Variants in MGST2 observed in about 807,000 individuals in gnomAD.
MGST2 encodes the protein glutathione peroxidase MGST2.
Under a neutral mutation model 16.6 loss-of-function variants are expected in MGST2, and 9 were observed. The ratio of observed to expected loss-of-function variants is 0.54; its 90% CI spans 0.33 to 0.95. MGST2 has a LOEUF of 0.95. MGST2 is among the 40% of genes least tolerant of loss of function. The pLI is 0.03. For synonymous variants in MGST2, 79 were observed against 68.0 expected (o/e 1.16, Z -0.79); for missense variants, 159 against 175.1 (o/e 0.91, Z 0.52).
intron 5 of MGST2, chr4:139,730,344 C>G (rs1026432480): frequency 2.2e-6 from 3 of 1,383,690 alleles, no homozygotes; most frequent in Non-Finnish European, 3.0e-6. Context: ...GCCACTTCCT[C>G]ACAGGCAGCA....
chr4:139,704,693 C>A (rs1877237), downstream of MGST2, among the ~76,000 whole-genome samples: 2 of 152,050 alleles, frequency 1.3e-5, no homozygotes, highest in Admixed American at 1.3e-4. Flanking sequence ...GAAGCCGAGG[C>A]GGGCAGATCA....
intron 5 of MGST2, among the ~76,000 whole-genome samples, chr4:139,724,654 G>A (rs974013039): frequency 6.6e-6 from 1 of 152,180 alleles, no homozygotes; most frequent in African/African-American, 2.4e-5. Context: ...AAAATGGGCA[G>A]AGGATGGGAT....
chr4:139,700,730 T>C (rs1464109598), intron 3 of MGST2, among the ~76,000 whole-genome samples: 1 of 152,184 alleles, frequency 6.6e-6, no homozygotes, highest in East Asian at 1.9e-4. Flanking sequence ...AAACATCCAC[T>C]TTCTATTTGA....
chr4:139,708,841 A>G (rs1012632598), downstream of MGST2, among the ~76,000 whole-genome samples: 2 of 151,872 alleles, frequency 1.3e-5, no homozygotes, highest in Non-Finnish European at 2.9e-5. Context: ...CGTCTCTACT[A>G]AAAATACAAA....
chr4:139,668,120 G>A (rs555722121), intron 1 of MGST2, among the ~76,000 whole-genome samples: 100 of 152,328 alleles, frequency 6.6e-4, no homozygotes, highest in Non-Finnish European at 1.1e-3. Flanking sequence ...CCAGGTCATA[G>A]GTGGATTTAA....
At chr4:139,707,882 C>T (rs528150219), downstream of MGST2, among the ~76,000 whole-genome samples, 123 of 151,650 alleles carry the variant, frequency 8.1e-4, no homozygotes, top group Middle Eastern at 6.8e-3. Context: ...TCATGTCCTT[C>T]GCCCACTTTT....
At chr4:139,678,712 A>G in intron 2 of MGST2, 70 bp downstream of exon 2, 1 of 1,211,640 alleles carries the variant, frequency 8.3e-7, no homozygotes, top group East Asian at 2.4e-5. Flanking sequence ...GACTAGGGGA[A>G]AGGGATATGG....
intron 3 of MGST2, among the ~76,000 whole-genome samples, chr4:139,699,333 T>C (rs1265296103): frequency 1.3e-5 from 2 of 152,232 alleles, no homozygotes; most frequent in Non-Finnish European, 2.9e-5. Flanking sequence ...ATGGTCTGTG[T>C]TTGTATGCTT....
the MGST2 span, among the ~76,000 whole-genome samples, chr4:139,751,920 G>A: frequency 6.6e-6 from 1 of 152,198 alleles, no homozygotes; most frequent in Non-Finnish European, 1.5e-5. Context: ...CACATTCAAA[G>A]CAGAGACCTC....
chr4:139,751,802 G>A, the MGST2 span, among the ~76,000 whole-genome samples: 1 of 152,202 alleles, frequency 6.6e-6, no homozygotes, highest in Non-Finnish European at 1.5e-5. Flanking sequence ...AGCAAGCCAT[G>A]GAGTTACAAT....
At chr4:139,672,607 G>A (rs1730758527) in intron 1 of MGST2, among the ~76,000 whole-genome samples, 1 of 149,836 alleles carries the variant, frequency 6.7e-6, no homozygotes, top group Non-Finnish European at 1.5e-5. Context: ...TCGGAGTACA[G>A]TGGTGCGATC....
At chr4:139,727,042 T>C (rs1468816363) in intron 5 of MGST2, among the ~76,000 whole-genome samples, 1 of 152,338 alleles carries the variant, frequency 6.6e-6, no homozygotes, top group East Asian at 1.9e-4. Flanking sequence ...CCCTGTTCTT[T>C]AGAGTGTTCA....
chr4:139,674,625 C>CA (rs1181723801), intron 1 of MGST2, among the ~76,000 whole-genome samples: 1 of 151,868 alleles, frequency 6.6e-6, no homozygotes, highest in African/African-American at 2.4e-5. Flanking sequence ...GCTAAAAATA[C>CA]AAAAAACTAG....
chr4:139,744,631 T>C (rs1199017255), downstream of MGST2, among the ~76,000 whole-genome samples: 2 of 151,802 alleles, frequency 1.3e-5, no homozygotes, highest in Non-Finnish European at 2.9e-5. Context: ...GCTCAAGGAG[T>C]CTGCACAGGC....
chr4:139,683,633 A>AG (rs1731384028), intron 2 of MGST2, among the ~76,000 whole-genome samples: 1 of 152,124 alleles, frequency 6.6e-6, no homozygotes, highest in Admixed American at 6.5e-5. Flanking sequence ...ATATAAATTC[A>AG]GGGGTCATTG....
chr4:139,671,517 G>A (rs1314297677), intron 1 of MGST2, among the ~76,000 whole-genome samples: 1 of 151,446 alleles, frequency 6.6e-6, no homozygotes, highest in Non-Finnish European at 1.5e-5. Context: ...CCGGGCTGGA[G>A]TGCAGTGGTG....
intron 5 of MGST2, among the ~76,000 whole-genome samples, chr4:139,723,822 G>T (rs1039111132): frequency 6.6e-6 from 1 of 152,158 alleles, no homozygotes; most frequent in Non-Finnish European, 1.5e-5. Context: ...GCTCTCAAGC[G>T]TGGTTCCCTA....
At chr4:139,672,367 G>A (rs1730741502) in intron 1 of MGST2, among the ~76,000 whole-genome samples, 1 of 152,148 alleles carries the variant, frequency 6.6e-6, no homozygotes, top group South Asian at 2.1e-4. Context: ...AATAGCAGGT[G>A]CAGAGTGGCC....
intron 1 of MGST2, among the ~76,000 whole-genome samples, chr4:139,669,250 A>G (rs1730535625): frequency 6.6e-6 from 1 of 152,036 alleles, no homozygotes; most frequent in Non-Finnish European, 1.5e-5. Flanking sequence ...TTTACAAAGG[A>G]GAGAGAGAGT....
Sources: allele counts gnomAD v4.1 joint callset (sites outside exome capture counted in the v4.1 genomes callset), GRCh38; gene constraint gnomAD v4.1.1; transcripts MANE v1.5; gene names NCBI Gene and HGNC (gene_info 2026-07-23, HGNC 2026-07-21).